The following CCSER1 variants were observed in gnomAD, a reference collection of about 807,000 sequenced individuals.
CCSER1 encodes coiled-coil serine rich protein 1, also known as serine-rich coiled-coil domain-containing protein 1.
CCSER1 carries 41 observed loss-of-function variants against 82.0 expected under a neutral mutation model. The ratio of observed to expected loss-of-function variants is 0.50; its 90% CI spans 0.39 to 0.65. The LOEUF is 0.65. CCSER1 is among the 30% of genes least tolerant of loss of function. The probability of loss-of-function intolerance (pLI) is 0.00; values close to 1 mark genes in which losing one functional copy is unlikely to be tolerated. For synonymous variants in CCSER1, 414 were observed against 383.9 expected (o/e 1.08, Z -0.92); for missense variants, 1,119 against 1,064.2 (o/e 1.05, Z -0.72).
chr4:91,143,312 G>A (rs763666223), intron 10 of CCSER1, among the ~76,000 whole-genome samples: 1 of 151,720 alleles, frequency 6.6e-6, no homozygotes, highest in African/African-American at 2.4e-5. Flanking sequence ...AAATGTTAAA[G>A]ATTTTTGTAT....
intron 10 of CCSER1, among the ~76,000 whole-genome samples, chr4:91,401,756 T>C (rs1045474728): frequency 2.0e-5 from 3 of 152,192 alleles, no homozygotes; most frequent in Non-Finnish European, 4.4e-5. Flanking sequence ...TGCATAGTAT[T>C]CCATGGTGTA....
At chr4:90,206,263 T>C (rs1214105746) in intron 1 of CCSER1, among the ~76,000 whole-genome samples, 1 of 152,192 alleles carries the variant, frequency 6.6e-6, no homozygotes, top group Non-Finnish European at 1.5e-5. Context: ...TTGCTCTTGC[T>C]TCTCTAGTTC....
intron 10 of CCSER1, among the ~76,000 whole-genome samples, chr4:91,222,356 C>T (rs1737823026): frequency 6.6e-6 from 1 of 151,974 alleles, no homozygotes; most frequent in African/African-American, 2.4e-5. Context: ...AAATGCCCCC[C>T]TTTTACTTAG....
At chr4:90,689,504 T>C (rs1735433652) in intron 6 of CCSER1, among the ~76,000 whole-genome samples, 1 of 152,166 alleles carries the variant, frequency 6.6e-6, no homozygotes, top group African/African-American at 2.4e-5. Context: ...ATATTTAATG[T>C]AAATATTATT....
At chr4:90,543,027 G>T (rs1476237610) in intron 5 of CCSER1, among the ~76,000 whole-genome samples, 1 of 151,958 alleles carries the variant, frequency 6.6e-6, no homozygotes, top group Non-Finnish European at 1.5e-5. Context: ...TTGGCATTTA[G>T]GGCCCATATA....
At chr4:90,360,246 C>T (rs1234923875) in intron 3 of CCSER1, among the ~76,000 whole-genome samples, 1 of 148,094 alleles carries the variant, frequency 6.8e-6, no homozygotes, top group Non-Finnish European at 1.5e-5. Context: ...AAAACATCCA[C>T]GGCCAGACGT....
At chr4:90,206,725 C>T (rs1738910037) in intron 1 of CCSER1, among the ~76,000 whole-genome samples, 1 of 143,808 alleles carries the variant, frequency 7.0e-6, no homozygotes, top group Non-Finnish European at 1.5e-5. Context: ...TGGTCCAGAG[C>T]TGAGTTCAAG....
chr4:90,585,223 A>C (rs561852588), intron 5 of CCSER1, among the ~76,000 whole-genome samples: 1 of 152,336 alleles, frequency 6.6e-6, no homozygotes, highest in African/African-American at 2.4e-5. Flanking sequence ...AAAACTGGTA[A>C]TAGTTAAGTG....
intron 6 of CCSER1, among the ~76,000 whole-genome samples, chr4:90,683,602 G>A (rs1430388106): frequency 6.6e-6 from 1 of 152,016 alleles, no homozygotes; most frequent in South Asian, 2.1e-4. Flanking sequence ...AAATAGACAA[G>A]CTCTAATTAA....
At chr4:90,912,964 G>T (rs1296640357) in intron 8 of CCSER1, among the ~76,000 whole-genome samples, 2 of 152,160 alleles carry the variant, frequency 1.3e-5, no homozygotes, top group African/African-American at 4.8e-5. Context: ...AACGAACAAA[G>T]CCTCCAAGAA....
chr4:91,168,624 C>T (rs1732421457), intron 10 of CCSER1, among the ~76,000 whole-genome samples: 1 of 151,742 alleles, frequency 6.6e-6, no homozygotes, highest in Non-Finnish European at 1.5e-5. Flanking sequence ...CATCTCTGCC[C>T]ACCTGCCCAT....
intron 8 of CCSER1, among the ~76,000 whole-genome samples, chr4:90,835,778 A>C (rs932822590): frequency 2.0e-5 from 3 of 152,220 alleles, no homozygotes; most frequent in African/African-American, 7.2e-5. Context: ...AGCTGAAATA[A>C]ATCATACCAG....
chr4:91,061,436 G>GAGAGA (rs1743945411), intron 9 of CCSER1, among the ~76,000 whole-genome samples: 1 of 151,944 alleles, frequency 6.6e-6, no homozygotes, highest in African/African-American at 2.4e-5. Context: ...AGGTTTTTTT[G>GAGAGA]TCTAGTCATT....
At chr4:91,553,960 T>C (rs898161813) in intron 10 of CCSER1, among the ~76,000 whole-genome samples, 4 of 151,266 alleles carry the variant, frequency 2.6e-5, no homozygotes, top group African/African-American at 9.7e-5. Flanking sequence ...TCTTTTTACT[T>C]AATGTGTATA....
At chr4:90,727,991 G>A (rs917844448) in intron 7 of CCSER1, among the ~76,000 whole-genome samples, 1 of 152,018 alleles carries the variant, frequency 6.6e-6, no homozygotes, top group Non-Finnish European at 1.5e-5. Context: ...GACTTTTGTA[G>A]CTTCAAAAGT....
chr4:90,161,507 A>G (rs1411053675), intron 1 of CCSER1, among the ~76,000 whole-genome samples: 1 of 152,088 alleles, frequency 6.6e-6, no homozygotes, highest in Non-Finnish European at 1.5e-5. Context: ...CTTTAAAACT[A>G]TTAACCATTA....
At chr4:90,190,958 A>G (rs1413106005) in intron 1 of CCSER1, among the ~76,000 whole-genome samples, 1 of 152,098 alleles carries the variant, frequency 6.6e-6, no homozygotes, top group Non-Finnish European at 1.5e-5. Context: ...CACAAATTGG[A>G]AAAGAGCTTC....
chr4:91,103,820 G>A lies in CCSER1; in HGVS notation c.2217+17826G>A, dbSNP rs182790697. ...AATAACAGCGATTTTTAGGGAACAAGGAAAGACAACCATAAGGTGTGACTG... is the reference window on the plus strand; with the variant it reads ...AATAACAGCGATTTTTAGGGAACAAAGAAAGACAACCATAAGGTGTGACTG... On this transcript the variant is annotated intron_variant, in intron 10 of 10. Transcript: ENST00000509176. 6.0e-3 allele frequency among the ~76,000 whole-genome samples: 913 copies of A among 152,188 alleles called. 11 individuals carry two copies. Among genetic ancestry groups the A allele is most frequent in the African/African-American group, 0.021 (866 of 41,486 alleles).
intron 10 of CCSER1, among the ~76,000 whole-genome samples, chr4:91,348,822 A>G (rs1391181160): frequency 6.6e-6 from 1 of 152,086 alleles, no homozygotes; most frequent in Admixed American, 6.5e-5. Flanking sequence ...CATCATAGCA[A>G]TTTGGGTCTC....
Sources: gnomAD v4.1 joint callset for allele counts (sites outside exome capture counted in the v4.1 genomes callset) on GRCh38, gnomAD v4.1.1 for gene constraint, MANE v1.5 for transcripts, NCBI Gene and HGNC (gene_info 2026-07-23, HGNC 2026-07-21) for gene names.